The following MAP2K6 variants were observed in gnomAD, a reference collection of about 807,000 sequenced individuals.
MAP2K6 encodes the protein mitogen-activated protein kinase kinase 6, also known as dual specificity mitogen-activated protein kinase kinase 6.
MAP2K6 carries 16 observed loss-of-function variants against 53.7 expected under a neutral mutation model. That is an observed-to-expected ratio of 0.30 (90% CI 0.20 to 0.45). The LOEUF is 0.45. Ranked by LOEUF, MAP2K6 falls within the 20% of genes least tolerant of loss-of-function variation. The probability of loss-of-function intolerance (pLI) is 1.00; values close to 1 mark genes in which losing one functional copy is unlikely to be tolerated. For synonymous variants in MAP2K6, 132 were observed against 143.1 expected (o/e 0.92, Z 0.55); for missense variants, 204 against 411.9 (o/e 0.50, Z 4.37).
At position 69,551,623 on chromosome 17, in the gene MAP2K6, A is replaced by T. The variant is rs1318159566; in HGVS notation, c.*9870A>T. On this transcript the variant is annotated 3_prime_UTR_variant, in exon 12 of 12. Transcript: ENST00000590474. ...AGCCACTTGAGGAGGTTTGATTAAG[A>T]AAATTGTGTTTATCTCCTGTATTAC... is the stretch of plus-strand genomic sequence containing the variant. 2 of 152,232 alleles carry T rather than the reference A, an allele frequency of 1.3e-5. No individual in the cohort carries two copies. The highest frequency in any genetic ancestry group is 2.9e-5 in the Non-Finnish European group (2 of 68,040). 9.4% of individuals were successfully genotyped at this position (152,232 alleles called of 1,614,324 possible). A position where few individuals can be genotyped will look rare whatever the true frequency, so the allele number is the denominator to read the frequency against.
At chr17:69,482,723 G>T (rs1001623553) in intron 1 of MAP2K6, among the ~76,000 whole-genome samples, 2 of 152,042 alleles carry the variant, frequency 1.3e-5, no homozygotes, top group Admixed American at 1.3e-4. Context: ...AGACAATACT[G>T]TGTTTAAAAA....
At chr17:69,495,130 C>T (rs78802339) in intron 1 of MAP2K6, among the ~76,000 whole-genome samples, 2,647 of 150,702 alleles carry the variant, frequency 0.018, 82 homozygotes, top group African/African-American at 0.061. Context: ...AAATTCACCC[C>T]TCTTATTCGC....
rs1908854982 is a variant in MAP2K6, at chr17:69,494,087, A to C, written c.17-11693A>C. 6.6e-6 allele frequency among the ~76,000 whole-genome samples: 1 copy of C among 152,210 alleles called. No individual in the cohort carries two copies. The highest frequency in any genetic ancestry group is 1.5e-5 in the Non-Finnish European group (1 of 68,040). On this transcript the variant is annotated intron_variant, in intron 1 of 11. Transcript: ENST00000590474. This position sits in a 1 kb window ranked among gnomAD's most constrained non-coding sequence, Gnocchi z 4.2. Reference sequence around the variant, plus strand: ...CCAACAGAGGGATGTGTGAGTCAATAACAAGGGATAAGAGCAGCAGAATCC... The same window carrying C: ...CCAACAGAGGGATGTGTGAGTCAATCACAAGGGATAAGAGCAGCAGAATCC...
At chr17:69,540,893 A>G (rs1911583050) in intron 11 of MAP2K6, among the ~76,000 whole-genome samples, 1 of 152,212 alleles carries the variant, frequency 6.6e-6, no homozygotes, top group African/African-American at 2.4e-5. Flanking sequence ...GTCAAGGGCG[A>G]GGGCTACCTT....
At chr17:69,499,386 A>G (rs769565216) in intron 1 of MAP2K6, among the ~76,000 whole-genome samples, 2 of 152,204 alleles carry the variant, frequency 1.3e-5, no homozygotes, top group Non-Finnish European at 1.5e-5. Flanking sequence ...CACTGTGTCA[A>G]TCGAGTCTCT....
intron 1 of MAP2K6, among the ~76,000 whole-genome samples, chr17:69,501,240 C>T (rs67612721): frequency 0.15 from 23,385 of 152,194 alleles, 1,970 homozygotes; most frequent in Middle Eastern, 0.22. Context: ...CCCCAACCCT[C>T]GGCCAAGCTA....
chr17:69,530,643 C>T (rs1006025461), intron 10 of MAP2K6, among the ~76,000 whole-genome samples: 1 of 152,136 alleles, frequency 6.6e-6, no homozygotes, highest in Non-Finnish European at 1.5e-5. Flanking sequence ...CTTTTTTTCC[C>T]TGCCACAAAC....
rs767715459 is a variant in MAP2K6, at chr17:69,421,698, T to A, written c.16+6698T>A. Among the ~76,000 whole-genome samples, 4 of 151,726 alleles carry A rather than the reference T, an allele frequency of 2.6e-5. No homozygotes were observed. In the East Asian group the frequency reaches 7.8e-4, roughly 29 times the overall value. On this transcript the variant is annotated intron_variant, in intron 1 of 11. Transcript: ENST00000590474. ...GGATTACAGGTGCCTGCCGCCACCA[T>A]GCCCGGCTAATTTTTTTTGTATTTT...
chr17:69,427,709 TAA>T (rs1906318000), intron 1 of MAP2K6, among the ~76,000 whole-genome samples: 1 of 152,196 alleles, frequency 6.6e-6, no homozygotes, highest in African/African-American at 2.4e-5. Flanking sequence ...GCTGTGTGGT[TAA>T]AGATAACATA....
chr17:69,551,296 C>G lies in MAP2K6; in HGVS notation c.*9543C>G, dbSNP rs1241341659. ...AGCTAACAGAGCTACCCCTTGCTGC[C>G]TTTTGCAAAGGTGTTGTAGGTGGAG... On this transcript the variant is annotated 3_prime_UTR_variant, in exon 12 of 12. Transcript: ENST00000590474. 1.3e-5 allele frequency: 2 copies of G among 152,214 alleles called. No individual in the cohort carries two copies. The highest frequency in any genetic ancestry group is 1.5e-5 in the Non-Finnish European group (1 of 68,048). 9.4% of individuals were successfully genotyped at this position (152,214 alleles called of 1,614,324 possible).
At chr17:69,430,305 C>T (rs1906419228) in intron 1 of MAP2K6, among the ~76,000 whole-genome samples, 1 of 151,828 alleles carries the variant, frequency 6.6e-6, no homozygotes, top group Admixed American at 6.6e-5. Context: ...CACTGCACTC[C>T]AGCCTGGGTG....
At chr17:69,446,996 A>C (rs9913625) in intron 1 of MAP2K6, among the ~76,000 whole-genome samples, 11,905 of 84,998 alleles carry the variant, frequency 0.14, 922 homozygotes, top group East Asian at 0.5. Flanking sequence ...TTTTTTTTTG[A>C]GACGGAGTTT....
rs1019651194 is a variant in MAP2K6, at chr17:69,475,048, C to T, written c.17-30732C>T. 2.6e-5 allele frequency among the ~76,000 whole-genome samples: 4 copies of T among 152,096 alleles called. No homozygotes were observed. In the South Asian group the frequency reaches 8.3e-4, roughly 32 times the overall value. On this transcript the variant is annotated intron_variant, in intron 1 of 11. Transcript: ENST00000590474. ...ACAAAAGCTGTGCAGTCTTCTGATT[C>T]CTGCCCTCAAAGCAGAGTGTAATAA...
intron 1 of MAP2K6, among the ~76,000 whole-genome samples, chr17:69,428,509 G>T (rs568656938): frequency 6.6e-6 from 1 of 152,326 alleles, no homozygotes; most frequent in Non-Finnish European, 1.5e-5. Flanking sequence ...CTGTCATCAA[G>T]TAAGATCCCA....
chr17:69,525,200 C>T (rs768097599), intron 9 of MAP2K6, among the ~76,000 whole-genome samples: 7 of 152,174 alleles, frequency 4.6e-5, no homozygotes, highest in Non-Finnish European at 5.9e-5. Context: ...CCACCTCTGA[C>T]GAGCTGTATG....
intron 1 of MAP2K6, among the ~76,000 whole-genome samples, chr17:69,453,990 G>C (rs1443610617): frequency 6.6e-6 from 1 of 152,216 alleles, no homozygotes; most frequent in East Asian, 1.9e-4. Context: ...CTGGAATAAA[G>C]AAGGAAATTT....
rs531441847 is a variant in MAP2K6, at chr17:69,544,262, A to T, written c.*2509A>T. 6.6e-6 allele frequency: 1 copy of T among 152,244 alleles called. No homozygotes were observed. Among genetic ancestry groups the T allele is most frequent in the East Asian group, 1.9e-4 (1 of 5,182 alleles). 9.4% of individuals were successfully genotyped at this position (152,244 alleles called of 1,614,324 possible). A position where few individuals can be genotyped will look rare whatever the true frequency, so the allele number is the denominator to read the frequency against. On this transcript the variant is annotated 3_prime_UTR_variant, in exon 12 of 12. Transcript: ENST00000590474. ...GGGATACTGATAGGAAGTGTAGAAC[A>T]CCTTTTCCCCAGAGAAGCAATATTT...
chr17:69,548,838 G>T lies in MAP2K6; in HGVS notation c.*7085G>T, dbSNP rs10512573. The T allele has an allele frequency of 2.6e-4, 40 of 151,962 alleles. 1 individual carries two copies. Among genetic ancestry groups the T allele is most frequent in the African/African-American group, 6.8e-4 (28 of 41,346 alleles). 9.4% of individuals were successfully genotyped at this position (151,962 alleles called of 1,614,324 possible). The stretch of plus-strand genomic sequence containing the variant: ...TCTAATGAAGTAGTTTGAAATCAAG[G>T]CTTTAGTGGAAGGTAATCTTTTCAG... On this transcript the variant is annotated 3_prime_UTR_variant, in exon 12 of 12. Transcript: ENST00000590474.
chr17:69,430,068 T>C (rs1466409480), intron 1 of MAP2K6, among the ~76,000 whole-genome samples: 2 of 152,194 alleles, frequency 1.3e-5, no homozygotes, highest in African/African-American at 4.8e-5. Flanking sequence ...GGCTCATGCC[T>C]GTAATCCCAG....
Sources: allele counts gnomAD v4.1 joint callset (sites outside exome capture counted in the v4.1 genomes callset), GRCh38; gene constraint gnomAD v4.1.1; non-coding constraint Gnocchi (gnomAD v3.1); transcripts MANE v1.5; gene names NCBI Gene and HGNC (gene_info 2026-07-23, HGNC 2026-07-21).